CDH18: variants seen among roughly 807,000 people sequenced by gnomAD.
The protein encoded by CDH18 is cadherin 18.
CDH18 carries 31 observed loss-of-function variants against 67.9 expected under a neutral mutation model. That is an observed-to-expected ratio of 0.46 (90% CI 0.34 to 0.62). The LOEUF is 0.62. CDH18 is among the 20% of genes least tolerant of loss of function. The probability of loss-of-function intolerance (pLI) is 0.01; values close to 1 mark genes in which losing one functional copy is unlikely to be tolerated. For synonymous variants in CDH18, 362 were observed against 347.2 expected, an observed-to-expected ratio of 1.04 and a Z score of -0.48; for missense variants, 890 against 975.5, an observed-to-expected ratio of 0.91 and a Z score of 1.17.
At chr5:20,238,376 C>T (rs1398653261) in intron 2 of CDH18, among the ~76,000 whole-genome samples, 4 of 152,046 alleles carry the variant, frequency 2.6e-5, no homozygotes, top group African/African-American at 9.7e-5. Flanking sequence ...GAAATCTCAG[C>T]TTCATAAGGA....
At chr5:20,506,931 T>TGCCA (rs928887877) in intron 1 of CDH18, among the ~76,000 whole-genome samples, 7 of 152,176 alleles carry the variant, frequency 4.6e-5, no homozygotes, top group African/African-American at 7.2e-5. Flanking sequence ...ACTGATGGAA[T>TGCCA]GCCATGGCAG....
chr5:20,083,241 G>T (rs935561934), intron 2 of CDH18, among the ~76,000 whole-genome samples: 3 of 152,148 alleles, frequency 2.0e-5, no homozygotes, highest in African/African-American at 7.2e-5. Flanking sequence ...GATTTGCTGA[G>T]AATGAAAAGG....
At chr5:19,801,208 A>AT (rs1777434096) in intron 3 of CDH18, among the ~76,000 whole-genome samples, 1 of 152,150 alleles carries the variant, frequency 6.6e-6, no homozygotes, top group East Asian at 1.9e-4. Context: ...CTTTAACAGT[A>AT]TCTTTTTTAA....
chr5:20,148,877 A>T (rs1393723947), intron 2 of CDH18, among the ~76,000 whole-genome samples: 1 of 152,236 alleles, frequency 6.6e-6, no homozygotes, highest in African/African-American at 2.4e-5. Flanking sequence ...TGATAACATC[A>T]TGGAAAAGCA....
chr5:20,557,287 G>C lies in CDH18; in HGVS notation c.-580+18175C>G, dbSNP rs376551145. On this transcript the variant is annotated intron_variant, in intron 1 of 14. Transcript: ENST00000507958. The stretch of plus-strand genomic sequence containing the variant: ...AGTTCAACCAATAATTGCGTGGAGA[G>C]ATCGGCGAAAAAAATGTAAGTAAAG... Among the ~76,000 whole-genome samples, 6 of 151,626 alleles carry C rather than the reference G, an allele frequency of 4.0e-5. No homozygotes were observed. In the East Asian group the frequency reaches 5.8e-4, roughly 15 times the overall value.
chr5:19,554,550 C>CAA (rs879741204), intron 8 of CDH18, among the ~76,000 whole-genome samples: 1 of 131,632 alleles, frequency 7.6e-6, no homozygotes, highest in Non-Finnish European at 1.6e-5. Flanking sequence ...AACTTCATCT[C>CAA]AAAAAAAAAA....
At chr5:20,179,911 C>T (rs1737549475) in intron 2 of CDH18, among the ~76,000 whole-genome samples, 1 of 151,974 alleles carries the variant, frequency 6.6e-6, no homozygotes, top group African/African-American at 2.4e-5. Context: ...TAGGAGCTGG[C>T]TGTTGGAGGG....
intron 2 of CDH18, among the ~76,000 whole-genome samples, chr5:20,116,151 A>C (rs772855119): frequency 6.6e-5 from 10 of 152,246 alleles, no homozygotes; most frequent in Non-Finnish European, 1.2e-4. Context: ...GGCTGCAGTG[A>C]GGATATCCAG....
chr5:20,330,724 C>T (rs1476687204), intron 1 of CDH18, among the ~76,000 whole-genome samples: 2 of 152,174 alleles, frequency 1.3e-5, no homozygotes, highest in African/African-American at 4.8e-5. Flanking sequence ...AGGGAAGAAT[C>T]AGGCGAGAAG....
intron 1 of CDH18, among the ~76,000 whole-genome samples, chr5:20,280,542 A>C (rs1041055812): frequency 1.3e-5 from 2 of 152,088 alleles, no homozygotes; most frequent in Non-Finnish European, 2.9e-5. Flanking sequence ...TGAACTCATC[A>C]TTTTTTATGG....
intron 2 of CDH18, among the ~76,000 whole-genome samples, chr5:20,034,796 C>A (rs1356648252): frequency 6.6e-6 from 1 of 151,976 alleles, no homozygotes; most frequent in Admixed American, 6.6e-5. Context: ...CTCTCTCTTT[C>A]TCTCTTTCCA....
At chr5:20,492,989 A>G (rs534972650) in intron 1 of CDH18, among the ~76,000 whole-genome samples, 14 of 152,298 alleles carry the variant, frequency 9.2e-5, no homozygotes, top group Non-Finnish European at 1.3e-4. Context: ...TAGATGATAA[A>G]GAGTTAAAAA....
At chr5:20,567,671 T>C (rs1380672847) in intron 1 of CDH18, among the ~76,000 whole-genome samples, 1 of 152,168 alleles carries the variant, frequency 6.6e-6, no homozygotes, top group African/African-American at 2.4e-5. Flanking sequence ...CTCCATATAG[T>C]ACTCTCTTGG....
intron 1 of CDH18, among the ~76,000 whole-genome samples, chr5:20,514,002 G>A (rs1205162314): frequency 6.6e-6 from 1 of 152,070 alleles, no homozygotes; most frequent in African/African-American, 2.4e-5. Flanking sequence ...TATTCCCATA[G>A]TGCTTTACTC....
At chr5:19,837,834 G>A (rs941027393) in intron 3 of CDH18, among the ~76,000 whole-genome samples, 2 of 152,112 alleles carry the variant, frequency 1.3e-5, no homozygotes, top group African/African-American at 4.8e-5. Flanking sequence ...TGAGCCTGCA[G>A]TCACGGATAT....
chr5:19,585,980 T>C lies in CDH18; in HGVS notation c.999+5077A>G, dbSNP rs1744077042. 2.0e-5 allele frequency among the ~76,000 whole-genome samples: 3 copies of C among 152,090 alleles called. No individual in the cohort carries two copies. In the South Asian group the frequency reaches 6.2e-4, roughly 32 times the overall value. Reference sequence around the variant, plus strand: ...ACTTTCTGCTTGGGCACTATTTTTATCGCGTTGTGATTCAGTTTCTTTAGC... The same window carrying C: ...ACTTTCTGCTTGGGCACTATTTTTACCGCGTTGTGATTCAGTTTCTTTAGC... On this transcript the variant is annotated intron_variant, in intron 7 of 12. Transcript: ENST00000382275.
intron 1 of CDH18, among the ~76,000 whole-genome samples, chr5:20,498,539 A>G (rs1271243287): frequency 6.6e-6 from 1 of 152,126 alleles, no homozygotes; most frequent in Non-Finnish European, 1.5e-5. Flanking sequence ...TGAGAGTTAT[A>G]TTAACTCCAT....
chr5:19,705,783 T>G (rs1763871978), intron 5 of CDH18, among the ~76,000 whole-genome samples: 3 of 152,160 alleles, frequency 2.0e-5, no homozygotes, highest in Admixed American at 2.0e-4. Flanking sequence ...GTCCCTCTCA[T>G]GAAGGCACAA....
chr5:20,411,866 G>T (rs1182117907), intron 1 of CDH18, among the ~76,000 whole-genome samples: 1 of 151,858 alleles, frequency 6.6e-6, no homozygotes, highest in Non-Finnish European at 1.5e-5. Flanking sequence ...ACAAAACACT[G>T]CTGAAAAAAA....
Sources: gnomAD v4.1 joint callset for allele counts (sites outside exome capture counted in the v4.1 genomes callset) on GRCh38, gnomAD v4.1.1 for gene constraint, MANE v1.5 for transcripts, NCBI Gene and HGNC (gene_info 2026-07-23, HGNC 2026-07-21) for gene names.